The following PRKAG2 variants were observed in gnomAD, a reference collection of about 807,000 sequenced individuals.
PRKAG2 encodes protein kinase AMP-activated non-catalytic subunit gamma 2.
A neutral mutation model predicts 69.6 loss-of-function variants in PRKAG2; 26 were observed. That is an observed-to-expected ratio of 0.37 (90% CI 0.27 to 0.52). The LOEUF is 0.52. PRKAG2 is among the 20% of genes least tolerant of loss of function. PRKAG2 has a pLI of 0.90. For missense variants in PRKAG2, 557 were observed against 740.0 expected (o/e 0.75, Z 2.87); for synonymous variants, 293 against 285.0 (o/e 1.03, Z -0.28).
chr7:151,558,013 C>T (rs5016447), intron 15 of PRKAG2: 746,809 of 983,658 alleles, frequency 0.76, 284,232 homozygotes, highest in East Asian at 0.99. Flanking sequence ...ATCACAGGAG[C>T]TTCTCTCCTA....
intron 5 of PRKAG2, among the ~76,000 whole-genome samples, chr7:151,616,371 G>A (rs1269677837): frequency 2.6e-5 from 4 of 152,118 alleles, no homozygotes; most frequent in South Asian, 2.1e-4. Context: ...CTTTTATCAC[G>A]ACCACTGACT....
intron 5 of PRKAG2, among the ~76,000 whole-genome samples, chr7:151,601,909 G>A (rs1381171075): frequency 6.6e-6 from 1 of 152,202 alleles, no homozygotes; most frequent in East Asian, 1.9e-4. Flanking sequence ...ACAAGCTCGG[G>A]GTTCGTGAAT....
In PRKAG2 at chr7:151,814,774, G is replaced by C. The variant is rs1336401504; in HGVS notation, c.115-28233C>G. The C allele has an allele frequency of 4.9e-6, 6 of 1,231,692 alleles. No homozygotes were observed. The highest frequency in any genetic ancestry group is 6.1e-6 in the Non-Finnish European group (6 of 988,008). The allele number at this position is 1,231,692 out of a possible 1,614,324, so 76.3% of individuals were successfully genotyped here. ...TCTTGGTGGCTGGAGCTGCTTTGCT[G>C]CTCAAAATGCAGGCAGAGCTCGGGC... is the stretch of plus-strand genomic sequence containing the variant. On this transcript the variant is annotated intron_variant, in intron 1 of 15. Transcript: ENST00000287878. This position sits in a 1 kb window ranked among gnomAD's most constrained non-coding sequence, Gnocchi z 4.8.
intron 6 of PRKAG2, among the ~76,000 whole-genome samples, chr7:151,584,490 C>A (rs1811190601): frequency 1.3e-5 from 2 of 151,956 alleles, no homozygotes; most frequent in African/African-American, 4.8e-5. Context: ...AAAAAATCTT[C>A]CAAAAAGTGG....
intron 5 of PRKAG2, among the ~76,000 whole-genome samples, chr7:151,602,676 T>A (rs1816402311): frequency 6.6e-6 from 1 of 152,344 alleles, no homozygotes; most frequent in East Asian, 1.9e-4. Context: ...GTTATTGATA[T>A]GGTTTGGCTT....
chr7:151,761,980 TG>T (rs2075439171), intron 3 of PRKAG2, among the ~76,000 whole-genome samples: 1 of 152,236 alleles, frequency 6.6e-6, no homozygotes, highest in Non-Finnish European at 1.5e-5. Flanking sequence ...TCCCATTCAC[TG>T]GCATGTGGGA....
intron 1 of PRKAG2, among the ~76,000 whole-genome samples, chr7:151,834,745 C>T (rs927052347): frequency 1.3e-5 from 2 of 152,196 alleles, no homozygotes; most frequent in African/African-American, 2.4e-5. Flanking sequence ...GGCTACGGCG[C>T]AGTGCCGCCC....
chr7:151,718,787 C>G (rs1265618433), intron 3 of PRKAG2, among the ~76,000 whole-genome samples: 4 of 152,040 alleles, frequency 2.6e-5, no homozygotes, highest in Non-Finnish European at 4.4e-5. Flanking sequence ...TCCATGGAGT[C>G]CAAAGATGAC....
chr7:151,726,944 G>A (rs1023012701), intron 3 of PRKAG2, among the ~76,000 whole-genome samples: 17 of 152,134 alleles, frequency 1.1e-4, no homozygotes, highest in African/African-American at 2.9e-4. Flanking sequence ...GGCTGGGCGC[G>A]GTGGCTCACA....
chr7:151,580,213 G>C (rs1810029733), intron 6 of PRKAG2, among the ~76,000 whole-genome samples: 1 of 152,154 alleles, frequency 6.6e-6, no homozygotes, highest in Admixed American at 6.5e-5. Context: ...CGGGTGTGGT[G>C]GTGCGCACCT....
intron 5 of PRKAG2, among the ~76,000 whole-genome samples, chr7:151,617,085 C>T (rs560527059): frequency 6.6e-6 from 1 of 151,990 alleles, no homozygotes; most frequent in East Asian, 1.9e-4. Flanking sequence ...CGTGGAGAAA[C>T]CCTGTCTCTA....
At chr7:151,869,760 C>T (rs970294793) in intron 1 of PRKAG2, among the ~76,000 whole-genome samples, 1 of 152,236 alleles carries the variant, frequency 6.6e-6, no homozygotes, top group Non-Finnish European at 1.5e-5. Flanking sequence ...GCTGATCAGC[C>T]CTCTCACACC....
At chr7:151,758,101 A>G (rs2075209327) in intron 3 of PRKAG2, among the ~76,000 whole-genome samples, 1 of 152,094 alleles carries the variant, frequency 6.6e-6, no homozygotes, top group Admixed American at 6.5e-5. Flanking sequence ...CCTTCGGTGT[A>G]ATCAAAGTAG....
intron 5 of PRKAG2, among the ~76,000 whole-genome samples, chr7:151,602,333 A>C (rs1335141137): frequency 2.6e-5 from 4 of 152,216 alleles, no homozygotes; most frequent in Admixed American, 1.3e-4. Flanking sequence ...AAATCTCAGA[A>C]GATAATTTTG....
chr7:151,598,621 G>A (rs927950863), intron 5 of PRKAG2, among the ~76,000 whole-genome samples: 4 of 151,414 alleles, frequency 2.6e-5, no homozygotes, highest in African/African-American at 4.9e-5. Flanking sequence ...GTACAATAAA[G>A]CAAATGCAAA....
At chr7:151,685,729 G>A (rs577464192) in intron 3 of PRKAG2, among the ~76,000 whole-genome samples, 161 of 150,626 alleles carry the variant, frequency 1.1e-3, no homozygotes, top group Non-Finnish European at 1.9e-3. Context: ...CAACTGCGCC[G>A]CTGGACTCCA....
intron 1 of PRKAG2, among the ~76,000 whole-genome samples, chr7:151,811,222 G>A (rs1295365075): frequency 4.6e-5 from 7 of 152,208 alleles, no homozygotes; most frequent in East Asian, 3.9e-4. Context: ...GACAGGCCAC[G>A]GCTGACGGCT....
chr7:151,566,025 C>T lies in PRKAG2; in HGVS notation c.1234-140G>A, dbSNP rs59202589. ...CAGTCTACCTGGATGCCTGAATTAACATGAGAAAATTACAAAGGACTGTAT... is the reference window on the plus strand; with the variant it reads ...CAGTCTACCTGGATGCCTGAATTAATATGAGAAAATTACAAAGGACTGTAT... On this transcript the variant is annotated intron_variant, in intron 11 of 15. Transcript: ENST00000287878. 717 of 930,372 alleles carry T rather than the reference C, an allele frequency of 7.7e-4. 3 individuals are homozygous for T. The African/African-American group carries it at 9.9e-3, about 13-fold the overall frequency. The allele number at this position is 930,372 out of a possible 1,614,324, so 57.6% of individuals were successfully genotyped here.
Position 151,836,247 on chromosome 7 carries a change from G to A in PRKAG2, c.114+40260C>T, listed in dbSNP as rs2079145124. On this transcript the variant is annotated intron_variant, in intron 1 of 15. Transcript: ENST00000287878. This position sits in a 1 kb window ranked among gnomAD's most constrained non-coding sequence, Gnocchi z 4.1. ...AGACTGAGAGACTCGGGGGAGCAGGGGCTGCGTCAGGACCCCCTTTCTGCC... is the reference window on the plus strand; with the variant it reads ...AGACTGAGAGACTCGGGGGAGCAGGAGCTGCGTCAGGACCCCCTTTCTGCC... 6.6e-6 allele frequency among the ~76,000 whole-genome samples: 1 copy of A among 152,138 alleles called. No homozygotes were observed. The highest frequency in any genetic ancestry group is 6.5e-5 in the Admixed American group (1 of 15,274).
Sources: allele counts gnomAD v4.1 joint callset (sites outside exome capture counted in the v4.1 genomes callset), GRCh38; gene constraint gnomAD v4.1.1; non-coding constraint Gnocchi (gnomAD v3.1); transcripts MANE v1.5; gene names NCBI Gene and HGNC (gene_info 2026-07-23, HGNC 2026-07-21).